DCLK2: variants seen among roughly 807,000 people sequenced by gnomAD.
DCLK2 encodes the protein serine/threonine-protein kinase DCLK2.
A neutral mutation model predicts 78.4 loss-of-function variants in DCLK2; 31 were observed. That is an observed-to-expected ratio of 0.40 (90% confidence interval 0.30 to 0.53). The LOEUF is 0.53. Among genes scored for constraint, DCLK2 ranks in the 20% least tolerant of loss-of-function variants. The pLI is 0.61. For synonymous variants in DCLK2, 407 were observed against 374.9 expected (o/e 1.09, Z -0.99); for missense variants, 872 against 973.7 (o/e 0.90, Z 1.39).
At chr4:150,116,769 G>A (rs181547324) in intron 2 of DCLK2, among the ~76,000 whole-genome samples, 224 of 152,322 alleles carry the variant, frequency 1.5e-3, no homozygotes, top group Non-Finnish European at 2.3e-3. Context: ...CAGAGTCAGG[G>A]CCTCTTGGTT....
chr4:150,176,359 C>T (rs1182529969), intron 2 of DCLK2, among the ~76,000 whole-genome samples: 2 of 152,170 alleles, frequency 1.3e-5, no homozygotes, highest in East Asian at 1.9e-4. Context: ...GAGAAAGATA[C>T]GGTCTCCAGG....
At chr4:150,223,707 G>A (rs965655165) in intron 7 of DCLK2, among the ~76,000 whole-genome samples, 18 of 151,990 alleles carry the variant, frequency 1.2e-4, no homozygotes, top group African/African-American at 4.1e-4. Flanking sequence ...TTGCGCCATT[G>A]CACTCCAGCC....
At chr4:150,086,800 C>G (rs544798751) in intron 1 of DCLK2, among the ~76,000 whole-genome samples, 3 of 152,088 alleles carry the variant, frequency 2.0e-5, no homozygotes, top group Non-Finnish European at 4.4e-5. Context: ...ACCACCGTGC[C>G]CGGCCCACAA....
chr4:150,167,391 A>G (rs1279351816), intron 2 of DCLK2, among the ~76,000 whole-genome samples: 1 of 152,232 alleles, frequency 6.6e-6, no homozygotes, highest in African/African-American at 2.4e-5. Flanking sequence ...CTGCCCTTTG[A>G]CTTTGCACCA....
chr4:150,172,768 G>C (rs12019272), intron 2 of DCLK2, among the ~76,000 whole-genome samples: 29 of 144,210 alleles, frequency 2.0e-4, no homozygotes, highest in African/African-American at 6.5e-4. Context: ...TTTGGGGGGG[G>C]GGGGGATACC....
At chr4:150,252,404 G>A (rs750568981) in intron 15 of DCLK2, among the ~76,000 whole-genome samples, 5 of 152,228 alleles carry the variant, frequency 3.3e-5, no homozygotes, top group Non-Finnish European at 7.3e-5. Flanking sequence ...ACCGCCCTGT[G>A]CCCAGGGCTT....
intron 2 of DCLK2, among the ~76,000 whole-genome samples, chr4:150,137,882 T>A (rs1384697782): frequency 6.6e-6 from 1 of 152,224 alleles, no homozygotes; most frequent in Non-Finnish European, 1.5e-5. Context: ...CTAAGTATAT[T>A]GTCAAATGAA....
At chr4:150,173,207 T>C (rs1736683285) in intron 2 of DCLK2, among the ~76,000 whole-genome samples, 1 of 152,112 alleles carries the variant, frequency 6.6e-6, no homozygotes, top group Non-Finnish European at 1.5e-5. Context: ...GGATCTGGGC[T>C]ATGGTGTGCA....
At chr4:150,135,301 G>A (rs916580717) in intron 2 of DCLK2, among the ~76,000 whole-genome samples, 1 of 152,166 alleles carries the variant, frequency 6.6e-6, no homozygotes, top group Non-Finnish European at 1.5e-5. Flanking sequence ...GAAGAAATCT[G>A]TTGGAACATT....
At chr4:150,087,396 A>G (rs573217941) in intron 1 of DCLK2, among the ~76,000 whole-genome samples, 1 of 152,138 alleles carries the variant, frequency 6.6e-6, no homozygotes, top group African/African-American at 2.4e-5. Flanking sequence ...TTCCTTCACT[A>G]TATGTTTTTA....
intron 2 of DCLK2, among the ~76,000 whole-genome samples, chr4:150,116,386 G>GC (rs1732094770): frequency 6.6e-6 from 1 of 152,172 alleles, no homozygotes; most frequent in Non-Finnish European, 1.5e-5. Flanking sequence ...CCGGCACTGC[G>GC]CCTATGCCTC....
At chr4:150,107,375 A>AT (rs1353627336) in intron 2 of DCLK2, among the ~76,000 whole-genome samples, 8 of 96,948 alleles carry the variant, frequency 8.3e-5, no homozygotes, top group Non-Finnish European at 1.8e-4. Flanking sequence ...TTTTTTGGTT[A>AT]TTGTTTTTTT....
In DCLK2 at chr4:150,173,093, G is replaced by A. The variant is rs537410052; in HGVS notation, c.757-20045G>A. Among the ~76,000 whole-genome samples the A allele has an allele frequency of 9.4e-5, 14 of 149,044 alleles. 1 individual carries two copies. The South Asian group carries it at 3.0e-3, about 32-fold the overall frequency. ...CTTTCTGAGGATCCAAGGATCTTCT[G>A]TTCTCCTTCCCTCTTACAAATCATT... On this transcript the variant is annotated intron_variant, in intron 2 of 15. Coordinates refer to ENST00000296550, the MANE Select transcript of DCLK2 (RefSeq NM_001040260.4).
At chr4:150,088,709 T>C (rs2150136004) in intron 1 of DCLK2, among the ~76,000 whole-genome samples, 1 of 152,346 alleles carries the variant, frequency 6.6e-6, no homozygotes, top group Admixed American at 6.5e-5. Context: ...ACTAATGTGA[T>C]ACCACAAATG....
At chr4:150,220,566 A>C (rs113333068) in intron 5 of DCLK2, 137 bp from the exon 6 acceptor site, 88 of 637,678 alleles carry the variant, frequency 1.4e-4, no homozygotes, top group African/African-American at 1.3e-3. Context: ...GAGAGAGGTG[A>C]GATGAGAAGA....
At chr4:150,210,299 T>C (rs1350810972) in intron 5 of DCLK2, among the ~76,000 whole-genome samples, 2 of 152,166 alleles carry the variant, frequency 1.3e-5, no homozygotes, top group African/African-American at 4.8e-5. Context: ...ATTTCCAGGT[T>C]CCATTTTCAC....
chr4:150,088,974 A>G (rs537066216), intron 1 of DCLK2, among the ~76,000 whole-genome samples: 4 of 152,342 alleles, frequency 2.6e-5, no homozygotes, highest in Admixed American at 6.5e-5. Context: ...ACCTATGTAC[A>G]TTACTCACTG....
At chr4:150,209,434 G>A (rs1740124597) in intron 5 of DCLK2, among the ~76,000 whole-genome samples, 1 of 152,200 alleles carries the variant, frequency 6.6e-6, no homozygotes, top group South Asian at 2.1e-4. Flanking sequence ...TTTGTTACGA[G>A]GCTACAGATC....
chr4:150,093,817 A>G (rs952298066), intron 1 of DCLK2, among the ~76,000 whole-genome samples: 3 of 152,254 alleles, frequency 2.0e-5, no homozygotes, highest in Non-Finnish European at 4.4e-5. Flanking sequence ...AATATATTAC[A>G]AAGACACAGT....
Sources: allele counts gnomAD v4.1 joint callset (sites outside exome capture counted in the v4.1 genomes callset), GRCh38; gene constraint gnomAD v4.1.1; transcripts MANE v1.5; gene names NCBI Gene and HGNC (gene_info 2026-07-23, HGNC 2026-07-21).